Variants in HYAL1 observed in about 807,000 individuals in gnomAD.
HYAL1 encodes the protein hyaluronidase-1.
In HYAL1, 21 loss-of-function variants were observed where a neutral mutation model predicts 28.8. The ratio of observed to expected loss-of-function variants is 0.73; its 90% CI spans 0.52 to 1.05. HYAL1 has a LOEUF of 1.05. HYAL1 is among the 50% of genes least tolerant of loss of function. The pLI is 0.00. For synonymous variants in HYAL1, 200 were observed against 230.1 expected, an observed-to-expected ratio of 0.87 and a Z score of 1.18; for missense variants, 491 against 579.2, an observed-to-expected ratio of 0.85 and a Z score of 1.56.
upstream of HYAL1, among the ~76,000 whole-genome samples, chr3:50,304,296 A>AAAAATATAT (rs1553713686): frequency 3.3e-5 from 1 of 30,478 alleles, no homozygotes; most frequent in Non-Finnish European, 6.1e-5. Context: ...AAAAAAAAAA[A>AAAAATATAT]ATATATATAT....
At chr3:50,301,707 C>A (rs1403329277) in intron 2 of HYAL1, among the ~76,000 whole-genome samples, 1 of 151,788 alleles carries the variant, frequency 6.6e-6, no homozygotes, top group Non-Finnish European at 1.5e-5. Flanking sequence ...AATCCCAGCA[C>A]TTTGGGAGGC....
chr3:50,302,619 A>T lies in HYAL1; in HGVS notation c.338T>A (p.Ile113Asn), dbSNP rs1354418772. ...IAHLARTFQD[I>N]LAAIPAPDFS... ...GTCAGGAGCAGGTATGGCAGCCAGG[A>T]TGTCCTGGAATGTGCGGGCCAGGTG... Residue 113 changes from isoleucine (I) to asparagine (N), a missense_variant, in exon 2 of 4, where the codon ATC becomes AAC. Physicochemically the swap from Ile to Asn is moderately radical, Grantham distance 149 (BLOSUM62 -3). Transcript: ENST00000395144. This position sits in a 1 kb window ranked among gnomAD's most constrained non-coding sequence, Gnocchi z 5.0. 1 of 1,614,034 alleles carries T rather than the reference A, an allele frequency of 6.2e-7. No individual in the cohort carries two copies. The highest frequency in any genetic ancestry group is 8.5e-7 in the Non-Finnish European group (1 of 1,180,032).
chr3:50,308,424 G>T (rs1356561404), upstream of HYAL1, among the ~76,000 whole-genome samples: 2 of 150,936 alleles, frequency 1.3e-5, no homozygotes, highest in Non-Finnish European at 2.9e-5. Context: ...ACCATGTCAG[G>T]CCACGTTGTC....
intron 1 of HYAL1, among the ~76,000 whole-genome samples, chr3:50,311,408 C>A (rs1355138729): frequency 7.0e-6 from 1 of 142,788 alleles, no homozygotes; most frequent in African/African-American, 2.6e-5. Context: ...AGGCGCCCCT[C>A]ACCTCCCGGA....
At chr3:50,311,626 C>T (rs1340476861) in intron 1 of HYAL1, among the ~76,000 whole-genome samples, 2 of 135,988 alleles carry the variant, frequency 1.5e-5, no homozygotes, top group Non-Finnish European at 3.2e-5. Context: ...GGGGGCTGAC[C>T]CCCCCACCTC....
At chr3:50,309,664 G>A (rs1260688461) in exon 2 of HYAL1, 2 of 150,500 alleles carry the variant, frequency 1.3e-5, no homozygotes, top group Admixed American at 1.3e-4. Flanking sequence ...CTTACCTGTG[G>A]TAAGTAAAGA....
chr3:50,304,584 AT>A (rs1200305396), upstream of HYAL1, among the ~76,000 whole-genome samples: 1 of 151,468 alleles, frequency 6.6e-6, no homozygotes, highest in Non-Finnish European at 1.5e-5. Flanking sequence ...TTACATTTAT[AT>A]TCTTCTTCTG....
chr3:50,305,924 C>A (rs1355197472), upstream of HYAL1, among the ~76,000 whole-genome samples: 1 of 151,498 alleles, frequency 6.6e-6, no homozygotes, highest in Non-Finnish European at 1.5e-5. Context: ...CACATGTCAT[C>A]AGGACTTCCT....
chr3:50,309,849 TGAAAG>T (rs1380433106), intron 1 of HYAL1: 2 of 151,496 alleles, frequency 1.3e-5, no homozygotes, highest in African/African-American at 2.5e-5. Flanking sequence ...TCTTGGAACT[TGAAAG>T]GAGAGGAAAT....
At chr3:50,307,339 G>A (rs587674567), upstream of HYAL1, among the ~76,000 whole-genome samples, 5 of 150,702 alleles carry the variant, frequency 3.3e-5, no homozygotes, top group South Asian at 1.0e-3. Context: ...ACTCCAGCCT[G>A]GGTGACAGCA....
chr3:50,304,302 T>A (rs1179843542), upstream of HYAL1, among the ~76,000 whole-genome samples: 2,975 of 16,876 alleles, frequency 0.18, 73 homozygotes, highest in East Asian at 0.23. Flanking sequence ...AAAAAATATA[T>A]ATATATATAT....
At chr3:50,306,747 A>G (rs78138837), upstream of HYAL1, among the ~76,000 whole-genome samples, 27,433 of 150,548 alleles carry the variant, frequency 0.18, 3,917 homozygotes, top group East Asian at 0.66. Context: ...TTAGCCCGGC[A>G]TGGTGGTGGG....
At chr3:50,310,983 G>A (rs2109316686) in intron 1 of HYAL1, among the ~76,000 whole-genome samples, 1 of 152,198 alleles carries the variant, frequency 6.6e-6, no homozygotes, top group African/African-American at 2.4e-5. Context: ...AAAATGAAAA[G>A]TCTCCCACGT....
chr3:50,307,419 G>A (rs924366321), upstream of HYAL1, among the ~76,000 whole-genome samples: 11 of 150,136 alleles, frequency 7.3e-5, no homozygotes, highest in Non-Finnish European at 1.5e-4. Flanking sequence ...AGTGGCTCAC[G>A]CTTGTAATCC....
At position 50,302,124 on chromosome 3, in the gene HYAL1, T is replaced by A. The variant is rs782812048; in HGVS notation, c.833A>T (p.Asp278Val). The change falls in exon 2 of 4, where the codon GAC (aspartate) becomes GTC (valine). Residue 278 changes from aspartate (D) to valine (V), a missense_variant. Transcript: ENST00000395144. The surrounding 1 kb of genome is among the most constrained non-coding windows in gnomAD (Gnocchi z 5.0). Reference protein sequence around the residue: ...EAFRVAVAAGDPNLPVLPYVQ... With the variant: ...EAFRVAVAAGVPNLPVLPYVQ... Reference sequence around the variant, plus strand: ...ATAGGGCAGCACCGGCAGATTGGGGTCACCAGCAGCCACAGCCACACGGAA... The same window carrying A: ...ATAGGGCAGCACCGGCAGATTGGGGACACCAGCAGCCACAGCCACACGGAA... 2 of 1,614,038 alleles carry A rather than the reference T, an allele frequency of 1.2e-6. No homozygotes were observed. Among genetic ancestry groups the A allele is most frequent in the Admixed American group, 1.7e-5 (1 of 60,002 alleles).
intron 1 of HYAL1, among the ~76,000 whole-genome samples, chr3:50,311,729 C>A (rs1447063532): frequency 1.4e-5 from 2 of 146,862 alleles, no homozygotes; most frequent in South Asian, 4.2e-4. Flanking sequence ...CTGATCCCCC[C>A]ACCTCCCTCA....
In HYAL1 at chr3:50,302,758, G is replaced by A. The variant is rs782599711; in HGVS notation, c.199C>T (p.Arg67Cys). Residue 67 changes from arginine to cysteine, a missense_variant, in exon 2 of 4, where the codon CGC (arginine) becomes TGC (cysteine). Arg to Cys is a radical substitution (Grantham distance 180). Transcript: ENST00000395144. The surrounding 1 kb of genome is among the most constrained non-coding windows in gnomAD (Gnocchi z 5.0). ...DVVANPGQTFRGPDMTIFYSS... is the reference protein window; with the variant it reads ...DVVANPGQTFCGPDMTIFYSS... ...TAGAAAATTGTCATGTCAGGGCCGC[G>A]GAAGGTCTGCCCTGGGTTGGCTACC... 1.1e-5 allele frequency: 17 copies of A among 1,613,878 alleles called. No individual in the cohort carries two copies. Among genetic ancestry groups the A allele is most frequent in the South Asian group, 6.6e-5 (6 of 91,088 alleles).
rs1702210555 is a variant in HYAL1 at position 50,302,536 on chromosome 3, A to G, written c.421T>C (p.Trp141Arg). ...TGCCGGTAAATGTCCTTGGTGTCCC[A>G]GTTGAAGGCCCAGCGTGGGCGCCAT... ...EAWRPRWAFN[W>R]DTKDIYRQRS... is the part of the protein sequence containing the mutation. Residue 141 changes from tryptophan to arginine, a missense_variant, in exon 2 of 4, where the codon TGG becomes CGG. By Grantham distance (101) the Trp-to-Arg change is moderately radical. Coordinates refer to ENST00000395144, the MANE Select transcript of HYAL1 (RefSeq NM_033159.4). The surrounding 1 kb of genome is among the most constrained non-coding windows in gnomAD (Gnocchi z 5.0). The G allele has an allele frequency of 1.2e-6, 2 of 1,614,162 alleles. No homozygotes were observed. The highest frequency in any genetic ancestry group is 2.7e-5 in the African/African-American group (2 of 75,050).
Position 50,301,097 on chromosome 3 carries a change from G to C in HYAL1, c.901-20C>G. ...CTCATCCTGGGAAGGAGACAGCACA[G>C]CTCTGTGGGGCCTCCTTCCCACCAT... On this transcript the variant is annotated intron_variant, in intron 2 of 3. Transcript: ENST00000395144. 2.0e-6 allele frequency: 3 copies of C among 1,520,024 alleles called. No homozygotes were observed. Among genetic ancestry groups the C allele is most frequent in the Non-Finnish European group, 2.7e-6 (3 of 1,095,384 alleles). The allele number at this position is 1,520,024 out of a possible 1,614,324, so 94.2% of individuals were successfully genotyped here. A position where few individuals can be genotyped will look rare whatever the true frequency, so the allele number is the denominator to read the frequency against.
Sources: gnomAD v4.1 joint callset for allele counts (sites outside exome capture counted in the v4.1 genomes callset) on GRCh38, gnomAD v4.1.1 for gene constraint, Gnocchi (gnomAD v3.1) non-coding constraint, MANE v1.5 for transcripts, NCBI Gene and HGNC (gene_info 2026-07-23, HGNC 2026-07-21) for gene names.